PTPRZ1: variants seen among roughly 807,000 people sequenced by gnomAD.
PTPRZ1 encodes receptor-type tyrosine-protein phosphatase zeta.
Under a neutral mutation model 214.1 loss-of-function variants are expected in PTPRZ1, and 82 were observed. The ratio of observed to expected loss-of-function variants is 0.38; its 90% CI spans 0.32 to 0.46. The LOEUF is 0.46. Ranked by LOEUF, PTPRZ1 falls within the 20% of genes least tolerant of loss-of-function variation. The pLI, the probability that PTPRZ1 is intolerant of heterozygous loss-of-function variation, is 1.00. For missense variants in PTPRZ1, 2,603 were observed against 2,748.7 expected, an observed-to-expected ratio of 0.95 and a Z score of 1.19; for synonymous variants, 945 against 987.9, an observed-to-expected ratio of 0.96 and a Z score of 0.81.
intron 11 of PTPRZ1, among the ~76,000 whole-genome samples, chr7:122,008,178 A>T (rs1384692966): frequency 1.3e-5 from 2 of 152,180 alleles, no homozygotes; most frequent in Non-Finnish European, 2.9e-5. Flanking sequence ...AATATAAGCA[A>T]AGAGAAAGAA....
intron 1 of PTPRZ1, among the ~76,000 whole-genome samples, chr7:121,884,500 T>C (rs866832929): frequency 6.6e-6 from 1 of 152,286 alleles, no homozygotes; most frequent in South Asian, 2.1e-4. Context: ...GTAGCATATA[T>C]TCTGGGTATT....
chr7:121,921,569 G>A (rs1046612640), intron 1 of PTPRZ1, among the ~76,000 whole-genome samples: 1 of 152,000 alleles, frequency 6.6e-6, no homozygotes, highest in African/African-American at 2.4e-5. Flanking sequence ...TAAATAAAGA[G>A]GTTACCTGGA....
chr7:121,927,933 C>T (rs193250951), intron 1 of PTPRZ1, among the ~76,000 whole-genome samples: 1 of 152,276 alleles, frequency 6.6e-6, no homozygotes, highest in East Asian at 1.9e-4. Flanking sequence ...GCCTGAATGT[C>T]AGCATCCTTT....
chr7:121,895,187 T>C (rs576483239), intron 1 of PTPRZ1, among the ~76,000 whole-genome samples: 141 of 152,340 alleles, frequency 9.3e-4, no homozygotes, highest in African/African-American at 3.1e-3. Context: ...CCCATAAAAA[T>C]AGGCATTGGC....
At chr7:121,967,104 G>A (rs1797068800) in intron 2 of PTPRZ1, 1 of 152,114 alleles carries the variant, frequency 6.6e-6, no homozygotes, top group Admixed American at 6.6e-5. Flanking sequence ...TTAACATGCA[G>A]TGAAATAAGA....
In PTPRZ1 at chr7:122,013,640, C is replaced by T. The variant is rs1048744395; in HGVS notation, c.4594C>T (p.Pro1532Ser). The T allele has an allele frequency of 1.4e-5, 22 of 1,614,220 alleles. No homozygotes were observed. The highest frequency in any genetic ancestry group is 1.8e-5 in the Non-Finnish European group (21 of 1,180,036). Residue 1532 changes from proline to serine, a missense_variant, in exon 12 of 30, where the codon CCT becomes TCT. Pro to Ser is a moderately conservative substitution (Grantham distance 74, BLOSUM62 -1). This residue lies in a region of PTPRZ1 where 1,913 missense variants were observed against 1,914.3 expected (regional missense o/e 1.00). Transcript: ENST00000393386. ...CATTCAGACTGGTAGTGCTCTGCTT[C>T]CTCTCAGCCCTGAATCTAAAGCATG... The part of the protein sequence containing the change: ...NDIQTGSALL[P>S]LSPESKAWAV...
rs528344623 is a variant in PTPRZ1 at position 122,019,333 on chromosome 7, T to C, written c.4988+65T>C. ...ACTCAGATTTTGCCCATATTTCATC[T>C]GAAAGGTCTTCAAAGCATATTCAAA... On this transcript the variant is annotated intron_variant, in intron 13 of 29. Transcript: ENST00000393386. 3.0e-5 allele frequency: 44 copies of C among 1,463,030 alleles called. No individual in the cohort carries two copies. The East Asian group carries it at 1.0e-3, about 33-fold the overall frequency. The allele number at this position is 1,463,030 out of a possible 1,614,324, so 90.6% of individuals were successfully genotyped here.
chr7:121,993,690 T>G (rs1282611555), intron 8 of PTPRZ1, among the ~76,000 whole-genome samples: 2 of 152,060 alleles, frequency 1.3e-5, no homozygotes, highest in Admixed American at 6.6e-5. Flanking sequence ...TCTTCTATGG[T>G]CATTCCATGG....
At chr7:121,954,564 C>A (rs1048518327) in intron 2 of PTPRZ1, among the ~76,000 whole-genome samples, 1 of 152,028 alleles carries the variant, frequency 6.6e-6, no homozygotes, top group African/African-American at 2.4e-5. Context: ...CTTTGGTGTC[C>A]CTGGAATACC....
Position 122,010,808 on chromosome 7 carries a change from G to C in PTPRZ1, c.1762G>C (p.Gly588Arg). The C allele has an allele frequency of 4.3e-6, 7 of 1,613,898 alleles. No homozygotes were observed. Among genetic ancestry groups the C allele is most frequent in the Non-Finnish European group, 5.9e-6 (7 of 1,179,852 alleles). The part of the protein sequence containing the change: ...KLDTGAEDSS[G>R]SSPATSAIPF... ...TGATACTGGAGCTGAAGATTCTTCA[G>C]GCTCCAGTCCCGCAACTTCTGCTAT... is the stretch of plus-strand genomic sequence containing the variant. Residue 588 changes from glycine (G) to arginine (R), a missense_variant, in exon 12 of 30, where the codon GGC becomes CGC. Gly to Arg is a moderately radical substitution (Grantham distance 125). Coordinates refer to ENST00000393386, the MANE Select transcript of PTPRZ1 (RefSeq NM_002851.3).
At chr7:121,979,562 C>T (rs10230001) in intron 6 of PTPRZ1, among the ~76,000 whole-genome samples, 3,570 of 152,252 alleles carry the variant, frequency 0.023, 45 homozygotes, top group Middle Eastern at 0.037. Flanking sequence ...ATGTAGTTAC[C>T]AGCCTTTCTC....
chr7:121,938,448 C>T (rs1796149219), intron 2 of PTPRZ1, among the ~76,000 whole-genome samples: 1 of 152,190 alleles, frequency 6.6e-6, no homozygotes, highest in South Asian at 2.1e-4. Flanking sequence ...TGGCTTCATC[C>T]AGAGGGAAAA....
rs928603627 is a variant in PTPRZ1 at position 121,892,093 on chromosome 7, C to G, written c.58+18536C>G. ...ATTATTTGTATTTTTTATGTCTTAGCGCTTATAGTTTGTTGCTTTATACCA... is the reference window on the plus strand; with the variant it reads ...ATTATTTGTATTTTTTATGTCTTAGGGCTTATAGTTTGTTGCTTTATACCA... On this transcript the variant is annotated intron_variant, in intron 1 of 29. Transcript: ENST00000393386. Among the ~76,000 whole-genome samples, 65 of 152,036 alleles carry G rather than the reference C, an allele frequency of 4.3e-4. 1 individual carries two copies. Among genetic ancestry groups the G allele is most frequent in the Admixed American group, 4.3e-3 (65 of 15,246 alleles).
intron 8 of PTPRZ1, 85 bp downstream of exon 8, chr7:121,984,202 A>G: frequency 8.4e-7 from 1 of 1,196,982 alleles, no homozygotes; most frequent in Non-Finnish European, 1.1e-6. Context: ...AATATAGAGG[A>G]CTTAGAGCTT....
intron 13 of PTPRZ1, among the ~76,000 whole-genome samples, 163 bp downstream of exon 13, chr7:122,019,431 G>T (rs1798950335): frequency 6.6e-6 from 1 of 152,064 alleles, no homozygotes; most frequent in Non-Finnish European, 1.5e-5. Flanking sequence ...AATAATGAAG[G>T]AGTTAATTGT....
At chr7:121,944,672 T>G (rs1467825007) in intron 2 of PTPRZ1, among the ~76,000 whole-genome samples, 2 of 152,038 alleles carry the variant, frequency 1.3e-5, no homozygotes, top group African/African-American at 2.4e-5. Flanking sequence ...CAGTCTTGTC[T>G]TGCTCTGTCT....
Position 122,013,090 on chromosome 7 carries a change from AT to A in PTPRZ1, c.4047del (p.Phe1349LeufsTer21). 6.2e-7 allele frequency: 1 copy of A among 1,613,662 alleles called. No homozygotes were observed. Among genetic ancestry groups the A allele is most frequent in the Non-Finnish European group, 8.5e-7 (1 of 1,179,538 alleles). On this transcript the variant is annotated frameshift_variant, in exon 12 of 30. Transcript: ENST00000393386. LOFTEE classifies it high-confidence loss of function. ...STKSSVTGKV[F>X]AGIPTVASDT... ...CCAAAAGTTCTGTTACTGGTAAGGT[AT>A]TTGCTGGTATTCCAACAGTTGCTTC...
intron 2 of PTPRZ1, among the ~76,000 whole-genome samples, chr7:121,946,503 G>A (rs1045992270): frequency 3.3e-5 from 5 of 152,056 alleles, no homozygotes; most frequent in East Asian, 1.9e-4. Context: ...ACAAAGTAGC[G>A]AGAAGGTCCC....
rs768431604 is a variant in PTPRZ1, at chr7:122,011,858, C to T, written c.2812C>T (p.His938Tyr). 1 of 1,613,832 alleles carries T rather than the reference C, an allele frequency of 6.2e-7. No homozygotes were observed. Among genetic ancestry groups the T allele is most frequent in the East Asian group, 2.2e-5 (1 of 44,890 alleles). The change falls in exon 12 of 30, where the codon CAC becomes TAC. Residue 938 changes from histidine to tyrosine, a missense_variant. This residue lies in a region of PTPRZ1 where 1,913 missense variants were observed against 1,914.3 expected (regional missense o/e 1.00). Transcript: ENST00000393386. ...YALSDNEGSQ[H>Y]IFTVSYSSAI... ...CTTGTCTGATAATGAGGGCTCCCAACACATCTTCACTGTTTCTTACAGTTC... is the reference window on the plus strand; with the variant it reads ...CTTGTCTGATAATGAGGGCTCCCAATACATCTTCACTGTTTCTTACAGTTC...
Sources: allele counts gnomAD v4.1 joint callset (sites outside exome capture counted in the v4.1 genomes callset), GRCh38; gene constraint gnomAD v4.1.1; regional missense constraint gnomAD v4.1.1; transcripts MANE v1.5; gene names NCBI Gene and HGNC (gene_info 2026-07-23, HGNC 2026-07-21).